The following DOCK3 variants were observed in gnomAD, a reference collection of about 807,000 sequenced individuals.
DOCK3 encodes dedicator of cytokinesis protein 3.
In DOCK3, 60 loss-of-function variants were observed where a neutral mutation model predicts 265.6. That is an observed-to-expected ratio of 0.23 (90% CI 0.18 to 0.28). The LOEUF (loss-of-function observed/expected upper bound fraction) is 0.28, where lower values mean the gene tolerates loss of function less well. Ranked by LOEUF, DOCK3 falls within the 10% of genes least tolerant of loss-of-function variation. The pLI is 1.00. For missense variants in DOCK3, 1,981 were observed against 2,594.3 expected (o/e 0.76, Z 5.14); for synonymous variants, 881 against 938.0 (o/e 0.94, Z 1.11).
chr3:51,368,444 G>C (rs1394628533), intron 49 of DOCK3, among the ~76,000 whole-genome samples: 1 of 152,208 alleles, frequency 6.6e-6, no homozygotes, highest in African/African-American at 2.4e-5. Flanking sequence ...CACCCATGGA[G>C]CCTCTCTCAC....
At chr3:51,138,993 G>A (rs997930239) in intron 9 of DOCK3, among the ~76,000 whole-genome samples, 1 of 152,040 alleles carries the variant, frequency 6.6e-6, no homozygotes, top group South Asian at 2.1e-4. Context: ...AACAGCCCTA[G>A]GTGGGTGAAT....
At chr3:51,355,983 A>T in intron 41 of DOCK3, 106 bp from the exon 42 acceptor site, 6 of 1,422,076 alleles carry the variant, frequency 4.2e-6, no homozygotes, top group Non-Finnish European at 5.8e-6. Context: ...GCTGTCAGTA[A>T]GGAGCAGGGA....
chr3:50,735,646 A>G (rs1248987180), intron 1 of DOCK3, among the ~76,000 whole-genome samples: 1 of 152,054 alleles, frequency 6.6e-6, no homozygotes, highest in Non-Finnish European at 1.5e-5. Flanking sequence ...CTGTTTCTCT[A>G]GATTAGGGGA....
At chr3:51,346,304 G>A (rs1021662138) in intron 38 of DOCK3, among the ~76,000 whole-genome samples, 4 of 69,948 alleles carry the variant, frequency 5.7e-5, no homozygotes, top group African/African-American at 1.1e-4. Context: ...ACCACCCCAC[G>A]ACAGGCCCTG....
chr3:51,338,401 C>T lies in DOCK3; in HGVS notation c.3654C>T (p.Gly1218=). 1 of 1,551,890 alleles carries T rather than the reference C, an allele frequency of 6.4e-7. No homozygotes were observed. The highest frequency in any genetic ancestry group is 8.7e-7 in the Non-Finnish European group (1 of 1,147,084). Residue 1218 remains glycine (G), a synonymous_variant, in exon 36 of 53, where the codon GGC becomes GGT. Transcript: ENST00000266037. Reference sequence around the variant, plus strand: ...AGGAAACAGAGAATAAGAAGATAGGCTGCACTGTTAACCTGATGGTGAGAG... The same window carrying T: ...AGGAAACAGAGAATAAGAAGATAGGTTGCACTGTTAACCTGATGGTGAGAG... ...KGEETENKKI[G]CTVNLMNFYK...
chr3:51,370,037 C>G (rs1274286339), intron 49 of DOCK3, among the ~76,000 whole-genome samples: 2 of 152,142 alleles, frequency 1.3e-5, no homozygotes, highest in Non-Finnish European at 2.9e-5. Flanking sequence ...GACAAATGAA[C>G]CAAAAGATCG....
chr3:50,719,670 G>A, intron 1 of DOCK3: 1 of 1,564,358 alleles, frequency 6.4e-7, no homozygotes. Context: ...GTTGGGTCCA[G>A]CATTTGACAT....
chr3:51,269,563 A>T (rs1351496844), intron 23 of DOCK3, among the ~76,000 whole-genome samples: 1 of 152,106 alleles, frequency 6.6e-6, no homozygotes, highest in Non-Finnish European at 1.5e-5. Context: ...CATGGCATAA[A>T]TTTTCACTCA....
At chr3:50,813,770 G>A (rs1187418141) in intron 2 of DOCK3, among the ~76,000 whole-genome samples, 1 of 152,154 alleles carries the variant, frequency 6.6e-6, no homozygotes, top group Admixed American at 6.5e-5. Flanking sequence ...TGAATGAACT[G>A]TAGCTCACAT....
rs144683988 is a variant in DOCK3, at chr3:50,874,480, G to A, written c.163-15546G>A. Among the ~76,000 whole-genome samples, 4 of 151,544 alleles carry A rather than the reference G, an allele frequency of 2.6e-5. No homozygotes were observed. The East Asian group carries it at 5.8e-4, about 22-fold the overall frequency. On this transcript the variant is annotated intron_variant, in intron 3 of 52. Coordinates refer to ENST00000266037, the MANE Select transcript of DOCK3 (RefSeq NM_004947.5). ...AATTGTTCTACTGCACTCCAGCCTG[G>A]TGATGAAATGGGACCCTGTATCTTA...
chr3:50,692,375 G>T (rs1255777110), intron 1 of DOCK3, among the ~76,000 whole-genome samples: 1 of 152,148 alleles, frequency 6.6e-6, no homozygotes, highest in Non-Finnish European at 1.5e-5. Context: ...TCCACCTCAA[G>T]ATCATCAGGT....
At position 51,054,420 on chromosome 3, in the gene DOCK3, T is replaced by C. The variant is rs76235839; in HGVS notation, c.316-10028T>C. On this transcript the variant is annotated intron_variant, in intron 5 of 52. Transcript: ENST00000266037. ...GTAGTATCTCTTTGCCCCAGTGTTC[T>C]GAAATTTTACAATGATTTGCTGTAG... Among the ~76,000 whole-genome samples the C allele has an allele frequency of 3.9e-3, 591 of 152,322 alleles. 6 individuals are homozygous for C. The highest frequency in any genetic ancestry group is 0.013 in the African/African-American group (559 of 41,580).
chr3:51,320,414 G>A (rs2083634127), intron 32 of DOCK3, among the ~76,000 whole-genome samples: 1 of 152,116 alleles, frequency 6.6e-6, no homozygotes, highest in Non-Finnish European at 1.5e-5. Flanking sequence ...GCTAGCTGCA[G>A]GAGTTTTGTT....
chr3:50,782,583 G>C (rs2041978394), intron 2 of DOCK3, among the ~76,000 whole-genome samples: 1 of 149,308 alleles, frequency 6.7e-6, no homozygotes, highest in Non-Finnish European at 1.5e-5. Context: ...TTGAGTGTGT[G>C]TGTGTGTGTG....
intron 5 of DOCK3, among the ~76,000 whole-genome samples, chr3:51,022,530 A>G (rs1345473058): frequency 7.2e-5 from 11 of 152,218 alleles, no homozygotes; most frequent in Non-Finnish European, 1.6e-4. Context: ...TACATGGAAC[A>G]TACTGCTAAT....
rs544547112 is a variant in DOCK3, at chr3:51,280,765, A to C, written c.2922+561A>C. On this transcript the variant is annotated intron_variant, in intron 27 of 52. Transcript: ENST00000266037. ...CATACTACAAAGTTCATAATATAAAACACCTGTAGTCCTAGCTACTCTTGA... is the reference window on the plus strand; with the variant it reads ...CATACTACAAAGTTCATAATATAAACCACCTGTAGTCCTAGCTACTCTTGA... Among the ~76,000 whole-genome samples, 12 of 152,252 alleles carry C rather than the reference A, an allele frequency of 7.9e-5. No individual in the cohort carries two copies. In the South Asian group the frequency reaches 2.5e-3, roughly 32 times the overall value.
chr3:50,936,402 A>G (rs1442362822), intron 5 of DOCK3, among the ~76,000 whole-genome samples: 1 of 151,914 alleles, frequency 6.6e-6, no homozygotes, highest in Non-Finnish European at 1.5e-5. Flanking sequence ...TTTTTAAGAA[A>G]TAATGGCTGA....
At chr3:50,746,358 C>T (rs1341661972) in intron 1 of DOCK3, among the ~76,000 whole-genome samples, 4 of 152,146 alleles carry the variant, frequency 2.6e-5, no homozygotes, top group African/African-American at 9.7e-5. Flanking sequence ...CTGCCCACCT[C>T]AGCCCCACAA....
chr3:51,013,465 G>A (rs906358299), intron 5 of DOCK3, among the ~76,000 whole-genome samples: 3 of 152,076 alleles, frequency 2.0e-5, no homozygotes, highest in African/African-American at 4.8e-5. Flanking sequence ...TGTTTGCCTG[G>A]GTATCACCAG....
Sources: allele counts gnomAD v4.1 joint callset (sites outside exome capture counted in the v4.1 genomes callset), GRCh38; gene constraint gnomAD v4.1.1; transcripts MANE v1.5; gene names NCBI Gene and HGNC (gene_info 2026-07-23, HGNC 2026-07-21).